MAPK8IP2: variants seen among roughly 807,000 people sequenced by gnomAD.
MAPK8IP2 encodes C-Jun-amino-terminal kinase-interacting protein 2.
MAPK8IP2 carries 15 observed loss-of-function variants against 75.6 expected under a neutral mutation model. The observed-to-expected ratio is 0.20, with a 90% CI of 0.13 to 0.31. The LOEUF is 0.31. Among genes scored for constraint, MAPK8IP2 ranks in the 10% least tolerant of loss-of-function variants. MAPK8IP2 has a pLI of 1.00. For missense variants in MAPK8IP2, 1,089 were observed against 1,211.2 expected (o/e 0.90, Z 1.50); for synonymous variants, 632 against 554.5 (o/e 1.14, Z -1.96).
Position 50,601,786 on chromosome 22 carries a change from C to T in MAPK8IP2, c.66-3C>T, listed in dbSNP as rs757287379. On this transcript the variant is annotated splice_region_variant and splice_polypyrimidine_tract_variant and intron_variant, in intron 1 of 11. Transcript: ENST00000329492. ...GGCTCTCTGACCCTGGTCTCCTTTC[C>T]AGGCCTCCCCAGGACATAAGCCTGG... 3.1e-6 allele frequency: 5 copies of T among 1,612,886 alleles called. No individual in the cohort carries two copies. The highest frequency in any genetic ancestry group is 1.1e-5 in the South Asian group (1 of 91,030).
chr22:50,609,444 C>T (rs558061647), intron 10 of MAPK8IP2, among the ~76,000 whole-genome samples: 1 of 152,338 alleles, frequency 6.6e-6, no homozygotes, highest in African/African-American at 2.4e-5. Flanking sequence ...TTATTACCAT[C>T]ATGACTTGAA....
intron 4 of MAPK8IP2, 32 bp downstream of exon 4, chr22:50,603,751 A>G (rs1199388954): frequency 6.6e-7 from 1 of 1,520,682 alleles, no homozygotes; most frequent in East Asian, 2.4e-5. Context: ...GGGCGCGGGG[A>G]AGCGGGGGAG....
Position 50,606,765 on chromosome 22 carries a change from G to GGTGGGA in MAPK8IP2, c.2232+4_2232+9dup. The GGTGGGA allele has an allele frequency of 6.3e-7, 1 of 1,577,044 alleles. No individual in the cohort carries two copies. ...TGAGTCTGAGCGGAGGAGGGCCCGA[G>GGTGGGA]GTGGGAGTGTGGGGGACTGGGGACC... On this transcript the variant is annotated inframe_insertion and splice_region_variant. Transcript: ENST00000329492.
Position 50,600,844 on chromosome 22 carries a change from C to G in MAPK8IP2, c.26C>G (p.Ser9Cys), listed in dbSNP as rs922608369. 4 of 1,309,770 alleles carry G rather than the reference C, an allele frequency of 3.1e-6. No homozygotes were observed. In the African/African-American group the frequency reaches 4.8e-5, roughly 16 times the overall value. 81.1% of individuals were successfully genotyped at this position (1,309,770 alleles called of 1,614,324 possible). A position where few individuals can be genotyped will look rare whatever the true frequency, so the allele number is the denominator to read the frequency against. Residue 9 changes from serine to cysteine, a missense_variant, in exon 1 of 12, where the codon TCT becomes TGT. Coordinates refer to ENST00000329492, the MANE Select transcript of MAPK8IP2 (RefSeq NM_012324.6). ...ATGGCGGATCGCGCGGAGATGTTTT[C>G]TCTCTCCACCTTCCACTCGCTGTCG... is the stretch of plus-strand genomic sequence containing the variant. MADRAEMFSLSTFHSLSPP... is the reference protein window; with the variant it reads MADRAEMFCLSTFHSLSPP...
rs1368094614 is a variant in MAPK8IP2, at chr22:50,607,561, G to A, written c.2303+570G>A. Reference sequence around the variant, plus strand: ...TGGGGGCTGCTGAGGTTATACAGGTGCTATGTCCTGAGACCAAGTGTGCAG... The same window carrying A: ...TGGGGGCTGCTGAGGTTATACAGGTACTATGTCCTGAGACCAAGTGTGCAG... On this transcript the variant is annotated intron_variant, in intron 10 of 11. Transcript: ENST00000329492. This position sits in a 1 kb window ranked among gnomAD's most constrained non-coding sequence, Gnocchi z 5.6. 6.6e-6 allele frequency among the ~76,000 whole-genome samples: 1 copy of A among 152,118 alleles called. No individual in the cohort carries two copies. Among genetic ancestry groups the A allele is most frequent in the Non-Finnish European group, 1.5e-5 (1 of 67,996 alleles).
intron 7 of MAPK8IP2, 26 bp downstream of exon 7, chr22:50,605,760 CT>C: frequency 6.2e-7 from 1 of 1,602,836 alleles, no homozygotes. Context: ...CGAGGGGAGG[CT>C]TTTCACCCCA....
chr22:50,604,134 A>G lies in MAPK8IP2; in HGVS notation c.835A>G (p.Ser279Gly). Residue 279 changes from serine (S) to glycine (G), a missense_variant, in exon 5 of 12, where the codon AGC becomes GGC. Physicochemically the swap from Ser to Gly is moderately conservative, Grantham distance 56. Coordinates refer to ENST00000329492, the MANE Select transcript of MAPK8IP2 (RefSeq NM_012324.6). ...SSISETELEL[S>G]SDGGSSSSGR... ...CATCTCGGAGACGGAGCTGGAGCTG[A>G]GCAGCGATGGCGGAAGCAGCAGCAG... 3 of 1,556,376 alleles carry G rather than the reference A, an allele frequency of 1.9e-6. No homozygotes were observed. The highest frequency in any genetic ancestry group is 2.6e-6 in the Non-Finnish European group (3 of 1,160,058).
chr22:50,607,107 C>T lies in MAPK8IP2; in HGVS notation c.2303+116C>T. ...TGCCCGTGCCCAGCCCTGAGAGCTCCACCTGCACCCACTTAGCTCTGTGAG... is the reference window on the plus strand; with the variant it reads ...TGCCCGTGCCCAGCCCTGAGAGCTCTACCTGCACCCACTTAGCTCTGTGAG... On this transcript the variant is annotated intron_variant, in intron 10 of 11. Coordinates refer to ENST00000329492, the MANE Select transcript of MAPK8IP2 (RefSeq NM_012324.6). This position sits in a 1 kb window ranked among gnomAD's most constrained non-coding sequence, Gnocchi z 5.6. 2 of 771,576 alleles carry T rather than the reference C, an allele frequency of 2.6e-6. No homozygotes were observed. The highest frequency in any genetic ancestry group is 4.5e-6 in the Non-Finnish European group (2 of 444,362). 47.8% of individuals were successfully genotyped at this position (771,576 alleles called of 1,614,324 possible). A position where few individuals can be genotyped will look rare whatever the true frequency, so the allele number is the denominator to read the frequency against.
chr22:50,611,019 GTCC>G lies in MAPK8IP2; in HGVS notation c.*248_*250del. Reference sequence around the variant, plus strand: ...CTCAGATCCGTTCTTTCTCTGTGTTGTCCTCCTCCTTCCCTTCCCAGTCTCCCT... The same window carrying G: ...CTCAGATCCGTTCTTTCTCTGTGTTGTCCTCCTTCCCTTCCCAGTCTCCCT... On this transcript the variant is annotated 3_prime_UTR_variant, in exon 12 of 12. Transcript: ENST00000329492. This position sits in a 1 kb window ranked among gnomAD's most constrained non-coding sequence, Gnocchi z 5.5. The G allele has an allele frequency of 2.0e-6, 1 of 503,952 alleles. No individual in the cohort carries two copies. Among genetic ancestry groups the G allele is most frequent in the South Asian group, 2.9e-5 (1 of 34,324 alleles). 31.2% of individuals were successfully genotyped at this position (503,952 alleles called of 1,614,324 possible).
In MAPK8IP2 at chr22:50,607,008, C is replaced by G; in HGVS notation, c.2303+17C>G. 1 of 1,606,082 alleles carries G rather than the reference C, an allele frequency of 6.2e-7. No homozygotes were observed. The highest frequency in any genetic ancestry group is 8.5e-7 in the Non-Finnish European group (1 of 1,173,016). On this transcript the variant is annotated intron_variant, in intron 10 of 11. Coordinates refer to ENST00000329492, the MANE Select transcript of MAPK8IP2 (RefSeq NM_012324.6). This position sits in a 1 kb window ranked among gnomAD's most constrained non-coding sequence, Gnocchi z 5.6. ...CAACAGCTGGTGAGAGTCTGACCGT[C>G]CCCGAGTCCCCCAACCGCCCCCACA...
At position 50,605,777 on chromosome 22, in the gene MAPK8IP2, T is replaced by TC. The variant is rs138523926; in HGVS notation, c.2015-44dup. 4.2e-3 allele frequency: 6,785 copies of TC among 1,599,522 alleles called. 242 individuals carry two copies. In the African/African-American group the frequency reaches 0.077, roughly 18 times the overall value. On this transcript the variant is annotated intron_variant, in intron 7 of 11. Transcript: ENST00000329492. ...AGGGGAGGCTTTTCACCCCAGATCC[T>TC]CCCCTGTGCCCCTGCCTGACCTGGG... is the stretch of plus-strand genomic sequence containing the variant.
chr22:50,609,171 G>A lies in MAPK8IP2; in HGVS notation c.2304-1041G>A, dbSNP rs867360071. ...AACGATGAACTCGTTTCTTCATGGC[G>A]GTGGTGGTAGGTCAGGAGAGCGTGG... On this transcript the variant is annotated intron_variant, in intron 10 of 11. Coordinates refer to ENST00000329492, the MANE Select transcript of MAPK8IP2 (RefSeq NM_012324.6). Among the ~76,000 whole-genome samples, 65 of 152,296 alleles carry A rather than the reference G, an allele frequency of 4.3e-4. No homozygotes were observed. In the Middle Eastern group the frequency reaches 0.01, roughly 24 times the overall value.
chr22:50,604,251 G>T lies in MAPK8IP2; in HGVS notation c.952G>T (p.Ala318Ser). 6.4e-7 allele frequency: 1 copy of T among 1,565,762 alleles called. No homozygotes were observed. Among genetic ancestry groups the T allele is most frequent in the Non-Finnish European group, 8.6e-7 (1 of 1,164,160 alleles). The change falls in exon 5 of 12, where the codon GCC becomes TCC. Residue 318 changes from alanine (A) to serine (S), a missense_variant. Physicochemically the swap from Ala to Ser is moderately conservative, Grantham distance 99 (BLOSUM62 1). This residue lies in a region of MAPK8IP2 where 960 missense variants were observed against 1,009.6 expected (regional missense o/e 0.95). Transcript: ENST00000329492. ...CCCGCGCGAACCCCCGCGCCGCCCC[G>T]CCTTCCTGCCCGTGGGCCCCGACGA... is the stretch of plus-strand genomic sequence containing the variant. ...EPPREPPRRP[A>S]FLPVGPDDTN...
chr22:50,605,530 C>G, intron 6 of MAPK8IP2, 32 bp from the exon 7 acceptor site: 1 of 872,522 alleles, frequency 1.1e-6, no homozygotes, highest in Non-Finnish European at 1.8e-6. Flanking sequence ...CAATCCCGCC[C>G]CCCTCCCCAG....
chr22:50,601,706 G>A (rs1048911650), intron 1 of MAPK8IP2, 83 bp from the exon 2 acceptor site: 11 of 984,262 alleles, frequency 1.1e-5, no homozygotes, highest in African/African-American at 1.6e-5. Context: ...AGGAGCTGAC[G>A]CCTCCCTCTG....
chr22:50,605,986 A>G, intron 8 of MAPK8IP2, 52 bp downstream of exon 8: 1 of 1,386,330 alleles, frequency 7.2e-7, no homozygotes, highest in Non-Finnish European at 9.9e-7. Context: ...TGGCGGCCAC[A>G]CCAGCACTGC....
rs761423842 is a variant in MAPK8IP2 at position 50,605,905 on chromosome 22, A to C, written c.2095A>C (p.Asn699His). 1.0e-5 allele frequency: 16 copies of C among 1,583,670 alleles called. No homozygotes were observed. The highest frequency in any genetic ancestry group is 1.4e-5 in the Non-Finnish European group (16 of 1,166,758). Reference sequence around the variant, plus strand: ...CGTGGAGGTGCCCTGCCACCAGGGCAACGGCATCCTGTGTGCAGCCATGCA... The same window carrying C: ...CGTGGAGGTGCCCTGCCACCAGGGCCACGGCATCCTGTGTGCAGCCATGCA... ...GSVEVPCHQG[N>H]GILCAAMQKI... The change falls in exon 8 of 12, where the codon AAC becomes CAC. Residue 699 changes from asparagine (N) to histidine (H), a missense_variant. Physicochemically the swap from Asn to His is moderately conservative, Grantham distance 68 (BLOSUM62 1). Transcript: ENST00000329492.
chr22:50,613,000 T>A lies in MAPK8IP2; in HGVS notation c.*2221T>A, dbSNP rs961448082. 5.0e-5 allele frequency: 6 copies of A among 120,920 alleles called. No individual in the cohort carries two copies. The highest frequency in any genetic ancestry group is 1.9e-4 in the African/African-American group (6 of 31,624). The allele number at this position is 120,920 out of a possible 1,614,324, so 7.5% of individuals were successfully genotyped here. A position where few individuals can be genotyped will look rare whatever the true frequency, so the allele number is the denominator to read the frequency against. On this transcript the variant is annotated 3_prime_UTR_variant, in exon 12 of 12. Coordinates refer to ENST00000329492, the MANE Select transcript of MAPK8IP2 (RefSeq NM_012324.6). ...GTCCTTCGCCTGTCTGCCTTCCACC[T>A]CTCTGCAGCTCCTTCTCCAATCTCA...
At chr22:50,606,026 T>C in intron 8 of MAPK8IP2, 92 bp downstream of exon 8, 1 of 1,042,038 alleles carries the variant, frequency 9.6e-7, no homozygotes, top group Non-Finnish European at 1.4e-6. Context: ...GGCTCCAAGG[T>C]CTGAGGTCTG....
Sources: allele counts gnomAD v4.1 joint callset (sites outside exome capture counted in the v4.1 genomes callset), GRCh38; gene constraint gnomAD v4.1.1; regional missense constraint gnomAD v4.1.1; non-coding constraint Gnocchi (gnomAD v3.1); transcripts MANE v1.5; gene names NCBI Gene and HGNC (gene_info 2026-07-23, HGNC 2026-07-21).